Variants in KCNQ1 observed in about 807,000 individuals in gnomAD.
KCNQ1 encodes the protein potassium voltage-gated channel subfamily Q member 1, also known as potassium voltage-gated channel subfamily KQT member 1.
Under a neutral mutation model 72.4 loss-of-function variants are expected in KCNQ1, and 49 were observed. The observed-to-expected ratio is 0.68, with a 90% CI of 0.54 to 0.86. The LOEUF (loss-of-function observed/expected upper bound fraction) is 0.86. Among genes scored for constraint, KCNQ1 ranks in the 40% least tolerant of loss-of-function variants. The pLI is 0.00. For synonymous variants in KCNQ1, 450 were observed against 412.6 expected (o/e 1.09, Z -1.10); for missense variants, 790 against 945.1 (o/e 0.84, Z 2.15).
In KCNQ1 at chr11:2,824,706, G is replaced by A. The variant is rs1847802711; in HGVS notation, c.1795-23061G>A. On this transcript the variant is annotated intron_variant, in intron 15 of 15. Coordinates refer to ENST00000155840, the MANE Select transcript of KCNQ1 (RefSeq NM_000218.3). This position sits in a 1 kb window ranked among gnomAD's most constrained non-coding sequence, Gnocchi z 5.9. Reference sequence around the variant, plus strand: ...GCAGTACAGGAAGCAGCTGGGGGTGGCGGGAAGAAGACAGTCAGGAGCTTG... The same window carrying A: ...GCAGTACAGGAAGCAGCTGGGGGTGACGGGAAGAAGACAGTCAGGAGCTTG... 6.6e-6 allele frequency among the ~76,000 whole-genome samples: 1 copy of A among 152,166 alleles called. No homozygotes were observed. The highest frequency in any genetic ancestry group is 2.4e-5 in the African/African-American group (1 of 41,422).
Position 2,562,513 on chromosome 11 carries a change from A to G in KCNQ1, c.478-8115A>G, listed in dbSNP as rs1486217227. On this transcript the variant is annotated intron_variant, in intron 2 of 15. Coordinates refer to ENST00000155840, the MANE Select transcript of KCNQ1 (RefSeq NM_000218.3). This position sits in a 1 kb window ranked among gnomAD's most constrained non-coding sequence, Gnocchi z 7.5. ...CTATGCTGTGGGGACCACTGCCCCC[A>G]CAGGGAAGCGCCTGGCTCAGCACAG... is the stretch of plus-strand genomic sequence containing the variant. Among the ~76,000 whole-genome samples, 1 of 152,096 alleles carries G rather than the reference A, an allele frequency of 6.6e-6. No individual in the cohort carries two copies. Among genetic ancestry groups the G allele is most frequent in the African/African-American group, 2.4e-5 (1 of 41,420 alleles).
chr11:2,805,825 A>T (rs186383536), intron 15 of KCNQ1, among the ~76,000 whole-genome samples: 1 of 152,220 alleles, frequency 6.6e-6, no homozygotes, highest in Non-Finnish European at 1.5e-5. Context: ...CGCTCTGATG[A>T]CACGTATCAC....
chr11:2,513,804 GA>G (rs1311063322), intron 1 of KCNQ1, among the ~76,000 whole-genome samples: 2 of 152,238 alleles, frequency 1.3e-5, no homozygotes, highest in African/African-American at 4.8e-5. Context: ...CCACCTCTGA[GA>G]AGCCCTCCCT....
chr11:2,746,338 T>C lies in KCNQ1; in HGVS notation c.1515-22506T>C, dbSNP rs1158839854. Among the ~76,000 whole-genome samples the C allele has an allele frequency of 6.6e-6, 1 of 152,224 alleles. No homozygotes were observed. Among genetic ancestry groups the C allele is most frequent in the East Asian group, 1.9e-4 (1 of 5,202 alleles). Reference sequence around the variant, plus strand: ...AGCATCTCACATTAGTATGCATTTGTCACAAGGAAACAACAGTGCTACATG... The same window carrying C: ...AGCATCTCACATTAGTATGCATTTGCCACAAGGAAACAACAGTGCTACATG... On this transcript the variant is annotated intron_variant, in intron 11 of 15. Transcript: ENST00000155840. The surrounding 1 kb of genome is among the most constrained non-coding windows in gnomAD (Gnocchi z 5.9).
Position 2,473,046 on chromosome 11 carries a change from C to T in KCNQ1, c.386+27562C>T, listed in dbSNP as rs531081192. 1.2e-4 allele frequency among the ~76,000 whole-genome samples: 18 copies of T among 152,174 alleles called. No individual in the cohort carries two copies. Among genetic ancestry groups the T allele is most frequent in the African/African-American group, 4.3e-4 (18 of 41,522 alleles). ...TGGAGGAGACTGTCCCATGTCCCTCCAGATCATGTCCCTGAGTGGGGAGCG... is the reference window on the plus strand; with the variant it reads ...TGGAGGAGACTGTCCCATGTCCCTCTAGATCATGTCCCTGAGTGGGGAGCG... On this transcript the variant is annotated intron_variant, in intron 1 of 15. Coordinates refer to ENST00000155840, the MANE Select transcript of KCNQ1 (RefSeq NM_000218.3). The surrounding 1 kb of genome is among the most constrained non-coding windows in gnomAD (Gnocchi z 6.0).
At position 2,666,965 on chromosome 11, in the gene KCNQ1, C is replaced by G. The variant is rs964729906; in HGVS notation, c.1514+4884C>G. On this transcript the variant is annotated intron_variant, in intron 11 of 15. Coordinates refer to ENST00000155840, the MANE Select transcript of KCNQ1 (RefSeq NM_000218.3). Reference sequence around the variant, plus strand: ...CTGCACGAGATGCCAAGGAAGCCCTCTGGGGGCCCGCCCGGGAGGGCTGTA... The same window carrying G: ...CTGCACGAGATGCCAAGGAAGCCCTGTGGGGGCCCGCCCGGGAGGGCTGTA... 7.5e-6 allele frequency: 3 copies of G among 398,744 alleles called. No individual in the cohort carries two copies. The East Asian group carries it at 1.1e-4, about 14-fold the overall frequency. The allele number at this position is 398,744 out of a possible 1,614,324, so 24.7% of individuals were successfully genotyped here.
At chr11:2,485,398 C>T (rs1381912699) in intron 1 of KCNQ1, among the ~76,000 whole-genome samples, 1 of 142,212 alleles carries the variant, frequency 7.0e-6, no homozygotes, top group Non-Finnish European at 1.5e-5. Flanking sequence ...ACCAGCTCTT[C>T]AGCCTTTCAT....
chr11:2,650,134 G>A (rs1315801132), intron 10 of KCNQ1: 5 of 397,974 alleles, frequency 1.3e-5, no homozygotes, highest in Non-Finnish European at 2.2e-5. Flanking sequence ...CAGGATTTTT[G>A]TTTGGTTCTT....
rs1848235842 is a variant in KCNQ1, at chr11:2,565,589, G to T, written c.478-5039G>T. On this transcript the variant is annotated intron_variant, in intron 2 of 15. Transcript: ENST00000155840. The surrounding 1 kb of genome is among the most constrained non-coding windows in gnomAD (Gnocchi z 5.6). ...ACACTCATGGTAGAACAGAGCTGAG[G>T]GTGCAGTGTGGGATGGGCTGACTTG... is the stretch of plus-strand genomic sequence containing the variant. 6.6e-6 allele frequency among the ~76,000 whole-genome samples: 1 copy of T among 152,184 alleles called. No homozygotes were observed. The highest frequency in any genetic ancestry group is 6.5e-5 in the Admixed American group (1 of 15,286).
chr11:2,720,032 C>T lies in KCNQ1; in HGVS notation c.1515-48812C>T, dbSNP rs932037063. Among the ~76,000 whole-genome samples, 1 of 152,228 alleles carries T rather than the reference C, an allele frequency of 6.6e-6. No individual in the cohort carries two copies. The highest frequency in any genetic ancestry group is 2.4e-5 in the African/African-American group (1 of 41,460). On this transcript the variant is annotated intron_variant, in intron 11 of 15. Coordinates refer to ENST00000155840, the MANE Select transcript of KCNQ1 (RefSeq NM_000218.3). The surrounding 1 kb of genome is among the most constrained non-coding windows in gnomAD (Gnocchi z 5.1). ...CCATACATGCAAATGTAGCAAACTG[C>T]AAAATGTCCCAAAACAAGTCCCTTA... is the stretch of plus-strand genomic sequence containing the variant.
chr11:2,674,848 A>AG lies in KCNQ1; in HGVS notation c.1514+12767_1514+12768insG. The AG allele has an allele frequency of 2.5e-6, 1 of 396,960 alleles. No homozygotes were observed. The highest frequency in any genetic ancestry group is 4.4e-6 in the Non-Finnish European group (1 of 225,628). 24.6% of individuals were successfully genotyped at this position (396,960 alleles called of 1,614,324 possible). Reference sequence around the variant, plus strand: ...GCTGTTTTTTAAAAAAAAAAAAAAAAAAAAAAAAAAAAGCTCACTGGGCAC... The same window carrying AG: ...GCTGTTTTTTAAAAAAAAAAAAAAAAGAAAAAAAAAAAAGCTCACTGGGCAC... On this transcript the variant is annotated intron_variant, in intron 11 of 15. Coordinates refer to ENST00000155840, the MANE Select transcript of KCNQ1 (RefSeq NM_000218.3). The surrounding 1 kb of genome is among the most constrained non-coding windows in gnomAD (Gnocchi z 5.9).
rs41282926 is a variant in KCNQ1, at chr11:2,572,729, G to A, written c.781-117G>A. The A allele has an allele frequency of 0.023, 31,369 of 1,361,398 alleles. 446 individuals carry two copies. The highest frequency in any genetic ancestry group is 0.027 in the Non-Finnish European group (26,693 of 976,322). The allele number at this position is 1,361,398 out of a possible 1,614,324, so 84.3% of individuals were successfully genotyped here. A position where few individuals can be genotyped will look rare whatever the true frequency, so the allele number is the denominator to read the frequency against. On this transcript the variant is annotated intron_variant, in intron 5 of 15. Coordinates refer to ENST00000155840, the MANE Select transcript of KCNQ1 (RefSeq NM_000218.3). Reference sequence around the variant, plus strand: ...GAAGCCGGCCCTGTGCATGTGAACCGCGCTGGAGCGGCGTAGGACGCCCAG... The same window carrying A: ...GAAGCCGGCCCTGTGCATGTGAACCACGCTGGAGCGGCGTAGGACGCCCAG...
At chr11:2,793,437 T>G (rs1397155274) in intron 15 of KCNQ1, among the ~76,000 whole-genome samples, 1 of 106,272 alleles carries the variant, frequency 9.4e-6, no homozygotes, top group African/African-American at 3.0e-5. Flanking sequence ...CTGGGCAACA[T>G]AGCGAGACCC....
rs1847141903 is a variant in KCNQ1, at chr11:2,508,493, T to C, written c.387-19435T>C. Among the ~76,000 whole-genome samples, 1 of 151,920 alleles carries C rather than the reference T, an allele frequency of 6.6e-6. No individual in the cohort carries two copies. The highest frequency in any genetic ancestry group is 1.9e-4 in the East Asian group (1 of 5,132). ...TGGGTCCTGAGTGGAGTGTCCCATC[T>C]GTCATGCAGAGAGGGTGATGATATA... On this transcript the variant is annotated intron_variant, in intron 1 of 15. Transcript: ENST00000155840. The surrounding 1 kb of genome is among the most constrained non-coding windows in gnomAD (Gnocchi z 6.2).
At chr11:2,518,400 G>A (rs1393389736) in intron 1 of KCNQ1, among the ~76,000 whole-genome samples, 1 of 152,222 alleles carries the variant, frequency 6.6e-6, no homozygotes, top group Non-Finnish European at 1.5e-5. Flanking sequence ...GGGGGACCAG[G>A]GGAGTGGGCT....
chr11:2,571,199 C>T (rs1039014337), intron 3 of KCNQ1, 126 bp from the exon 4 acceptor site: 23 of 790,460 alleles, frequency 2.9e-5, no homozygotes, highest in East Asian at 1.0e-4. Flanking sequence ...TCCATGTCCC[C>T]GGTCATCAGG....
rs976967731 is a variant in KCNQ1 at position 2,462,728 on chromosome 11, G to A, written c.386+17244G>A. ...GGAGGGGGCGGTGGAGTGAAGGGGAGGGTGGGCGCTGCTGGCAAGAACCAC... is the reference window on the plus strand; with the variant it reads ...GGAGGGGGCGGTGGAGTGAAGGGGAAGGTGGGCGCTGCTGGCAAGAACCAC... On this transcript the variant is annotated intron_variant, in intron 1 of 15. Coordinates refer to ENST00000155840, the MANE Select transcript of KCNQ1 (RefSeq NM_000218.3). The surrounding 1 kb of genome is among the most constrained non-coding windows in gnomAD (Gnocchi z 8.2). Among the ~76,000 whole-genome samples the A allele has an allele frequency of 6.6e-5, 10 of 152,172 alleles. No individual in the cohort carries two copies. The highest frequency in any genetic ancestry group is 1.2e-4 in the Non-Finnish European group (8 of 68,034).
chr11:2,734,291 G>A lies in KCNQ1; in HGVS notation c.1515-34553G>A, dbSNP rs1845915482. Among the ~76,000 whole-genome samples the A allele has an allele frequency of 1.3e-5, 2 of 152,258 alleles. No homozygotes were observed. Among genetic ancestry groups the A allele is most frequent in the East Asian group, 1.9e-4 (1 of 5,198 alleles). On this transcript the variant is annotated intron_variant, in intron 11 of 15. Coordinates refer to ENST00000155840, the MANE Select transcript of KCNQ1 (RefSeq NM_000218.3). The surrounding 1 kb of genome is among the most constrained non-coding windows in gnomAD (Gnocchi z 7.0). ...AGCCCAGCTGCAGAGCAGGGCAGGG[G>A]TGGCCAAAAGGCGCCTAGAAGGCTG...
At chr11:2,758,962 G>A (rs931988818) in intron 11 of KCNQ1, among the ~76,000 whole-genome samples, 4 of 152,124 alleles carry the variant, frequency 2.6e-5, no homozygotes, top group Non-Finnish European at 4.4e-5. Context: ...TCCATTCCTC[G>A]TTGCTGTGTG....
Sources: allele counts gnomAD v4.1 joint callset (sites outside exome capture counted in the v4.1 genomes callset), GRCh38; gene constraint gnomAD v4.1.1; non-coding constraint Gnocchi (gnomAD v3.1); transcripts MANE v1.5; gene names NCBI Gene and HGNC (gene_info 2026-07-23, HGNC 2026-07-21).